CDH6: variants seen among roughly 807,000 people sequenced by gnomAD.
CDH6 encodes cadherin-6.
In CDH6, 31 loss-of-function variants were observed where a neutral mutation model predicts 78.0. The ratio of observed to expected loss-of-function variants is 0.40; its 90% CI spans 0.30 to 0.54. The LOEUF is 0.54. CDH6 is among the 20% of genes least tolerant of loss of function. CDH6 has a pLI of 0.56. For synonymous variants in CDH6, 376 were observed against 368.8 expected (o/e 1.02, Z -0.23); for missense variants, 724 against 975.9 (o/e 0.74, Z 3.44).
At chr5:31,260,580 G>A (rs993353413) in intron 1 of CDH6, among the ~76,000 whole-genome samples, 2 of 152,098 alleles carry the variant, frequency 1.3e-5, no homozygotes, top group African/African-American at 4.8e-5. Context: ...TGCAATGTGT[G>A]GAATATGATT....
chr5:31,314,147 CT>C (rs1194835364), intron 8 of CDH6, among the ~76,000 whole-genome samples: 2 of 152,008 alleles, frequency 1.3e-5, no homozygotes, highest in Admixed American at 1.3e-4. Flanking sequence ...GAAAAATGAT[CT>C]TTTTTTAATT....
At chr5:31,300,190 G>A (rs1180802316) in intron 5 of CDH6, among the ~76,000 whole-genome samples, 1 of 152,166 alleles carries the variant, frequency 6.6e-6, no homozygotes, top group Non-Finnish European at 1.5e-5. Context: ...ATAAAAGGAA[G>A]AAGAAGGAAA....
At chr5:31,304,047 T>C (rs544832751) in intron 6 of CDH6, among the ~76,000 whole-genome samples, 2 of 152,274 alleles carry the variant, frequency 1.3e-5, no homozygotes, top group Admixed American at 6.5e-5. Context: ...TCACCATGTC[T>C]CCAAAAGCAG....
chr5:31,203,245 TA>T (rs59559832), intron 1 of CDH6, among the ~76,000 whole-genome samples: 37,495 of 140,880 alleles, frequency 0.27, 4,885 homozygotes, highest in Middle Eastern at 0.3. Context: ...TTTTTTTTTT[TA>T]TTTATTTTTT....
intron 1 of CDH6, among the ~76,000 whole-genome samples, chr5:31,235,113 G>C (rs542483662): frequency 6.6e-6 from 1 of 151,902 alleles, no homozygotes; most frequent in African/African-American, 2.4e-5. Flanking sequence ...GAAGACCATG[G>C]GGTAGAAGAA....
At chr5:31,266,002 T>C (rs1742340477) in intron 1 of CDH6, among the ~76,000 whole-genome samples, 1 of 152,002 alleles carries the variant, frequency 6.6e-6, no homozygotes, top group East Asian at 1.9e-4. Context: ...GGTCTCGATC[T>C]CCTGACCTCA....
intron 7 of CDH6, among the ~76,000 whole-genome samples, chr5:31,310,235 C>A (rs1738109248): frequency 1.3e-5 from 2 of 152,390 alleles, no homozygotes; most frequent in East Asian, 1.9e-4. Context: ...AGGCCCCATG[C>A]AAGACTGAAA....
intron 1 of CDH6, among the ~76,000 whole-genome samples, chr5:31,234,025 G>A (rs995059576): frequency 1.4e-5 from 2 of 146,156 alleles, no homozygotes; most frequent in African/African-American, 5.1e-5. Context: ...ATGAAAAATT[G>A]TGATAATAGT....
chr5:31,320,219 ACT>A (rs941160690), intron 11 of CDH6, among the ~76,000 whole-genome samples: 16 of 152,318 alleles, frequency 1.1e-4, no homozygotes, highest in African/African-American at 3.6e-4. Flanking sequence ...AGACAGCGAC[ACT>A]CTCAAGAAAT....
intron 1 of CDH6, among the ~76,000 whole-genome samples, chr5:31,253,837 T>C (rs1389972104): frequency 2.6e-5 from 4 of 151,954 alleles, no homozygotes; most frequent in African/African-American, 9.7e-5. Context: ...TTTTTTTTTT[T>C]AGAAGCGAAT....
rs1738644939 is a variant in CDH6 at position 31,327,319 on chromosome 5, G to C, written c.*4011G>C. The C allele has an allele frequency of 5.2e-6, 1 of 191,674 alleles. No homozygotes were observed. Among genetic ancestry groups the C allele is most frequent in the Middle Eastern group, 1.8e-3 (1 of 546 alleles). 11.9% of individuals were successfully genotyped at this position (191,674 alleles called of 1,614,324 possible). A position where few individuals can be genotyped will look rare whatever the true frequency, so the allele number is the denominator to read the frequency against. On this transcript the variant is annotated 3_prime_UTR_variant, in exon 12 of 12. Coordinates refer to ENST00000265071, the MANE Select transcript of CDH6 (RefSeq NM_004932.4). ...GCTAAATTCATTTTCACCAGGAACAGACCACCAAATAAATTATTTTATCCT... is the reference window on the plus strand; with the variant it reads ...GCTAAATTCATTTTCACCAGGAACACACCACCAAATAAATTATTTTATCCT...
intron 2 of CDH6, among the ~76,000 whole-genome samples, chr5:31,292,832 TA>T (rs1737429912): frequency 2.6e-4 from 2 of 7,784 alleles, no homozygotes; most frequent in Admixed American, 2.7e-3. Flanking sequence ...CATATATATA[TA>T]TATATATATA....
chr5:31,323,434 C>A lies in CDH6; in HGVS notation c.*126C>A, dbSNP rs1416941278. The A allele has an allele frequency of 2.7e-6, 3 of 1,092,560 alleles. No individual in the cohort carries two copies. The highest frequency in any genetic ancestry group is 2.4e-5 in the East Asian group (1 of 41,182). 67.7% of individuals were successfully genotyped at this position (1,092,560 alleles called of 1,614,324 possible). A position where few individuals can be genotyped will look rare whatever the true frequency, so the allele number is the denominator to read the frequency against. ...GTTCCAAAAGCCAATGGCTGCAGTC[C>A]GTGTGGATCCAATGTTAGAGACTTT... On this transcript the variant is annotated 3_prime_UTR_variant, in exon 12 of 12. Coordinates refer to ENST00000265071, the MANE Select transcript of CDH6 (RefSeq NM_004932.4).
At chr5:31,309,823 C>G (rs1738093730) in intron 7 of CDH6, among the ~76,000 whole-genome samples, 1 of 152,154 alleles carries the variant, frequency 6.6e-6, no homozygotes. Context: ...ACCATCAGAT[C>G]TCATGAGAAC....
In CDH6 at chr5:31,323,371, T is replaced by C; in HGVS notation, c.*63T>C. 3 of 1,526,920 alleles carry C rather than the reference T, an allele frequency of 2.0e-6. No homozygotes were observed. The South Asian group carries it at 3.7e-5, about 19-fold the overall frequency. 94.6% of individuals were successfully genotyped at this position (1,526,920 alleles called of 1,614,324 possible). On this transcript the variant is annotated 3_prime_UTR_variant, in exon 12 of 12. Coordinates refer to ENST00000265071, the MANE Select transcript of CDH6 (RefSeq NM_004932.4). ...TATGTGAAGTGGCTATTTCTTTATA[T>C]TTATCCACTACTCCGTGAAGGCTTC...
At chr5:31,258,543 A>G (rs1200445573) in intron 1 of CDH6, among the ~76,000 whole-genome samples, 1 of 152,098 alleles carries the variant, frequency 6.6e-6, no homozygotes, top group Admixed American at 6.6e-5. Flanking sequence ...TGTAGATGAC[A>G]GATTGATGGG....
intron 11 of CDH6, 120 bp downstream of exon 11, chr5:31,318,044 G>A (rs777474859): frequency 4.2e-6 from 5 of 1,179,582 alleles, no homozygotes; most frequent in Non-Finnish European, 5.0e-6. Flanking sequence ...GGTGAGTCGA[G>A]TTACATACTG....
At chr5:31,209,435 C>A (rs1740630898) in intron 1 of CDH6, among the ~76,000 whole-genome samples, 1 of 152,142 alleles carries the variant, frequency 6.6e-6, no homozygotes, top group Non-Finnish European at 1.5e-5. Context: ...CACTGCACAT[C>A]CCCAGCTTTA....
chr5:31,243,224 G>C (rs530501379), intron 1 of CDH6, among the ~76,000 whole-genome samples: 3 of 152,056 alleles, frequency 2.0e-5, no homozygotes, highest in Non-Finnish European at 4.4e-5. Context: ...TGCTGAGGTC[G>C]GCCGCTAGAT....
Sources: gnomAD v4.1 joint callset for allele counts (sites outside exome capture counted in the v4.1 genomes callset) on GRCh38, gnomAD v4.1.1 for gene constraint, MANE v1.5 for transcripts, NCBI Gene and HGNC (gene_info 2026-07-23, HGNC 2026-07-21) for gene names.